The following PACRGL variants were observed in gnomAD, a reference collection of about 807,000 sequenced individuals.
PACRGL encodes the protein PACRG-like protein.
A neutral mutation model predicts 34.5 loss-of-function variants in PACRGL; 38 were observed. The observed-to-expected ratio is 1.10, with a 90% confidence interval of 0.85 to 1.44. PACRGL has a LOEUF of 1.44. Ranked by LOEUF, PACRGL falls within the 40% of genes most tolerant of loss-of-function variation. The pLI is 0.00. For missense variants in PACRGL, 305 were observed against 281.4 expected (o/e 1.08, Z -0.60); for synonymous variants, 128 against 100.1 (o/e 1.28, Z -1.66).
intron 7 of PACRGL, among the ~76,000 whole-genome samples, chr4:20,714,137 C>G (rs1316950972): frequency 6.6e-6 from 1 of 152,076 alleles, no homozygotes. Flanking sequence ...GAGTCGAAAT[C>G]TCTTTGTAGG....
At chr4:20,699,099 C>T (rs571523475), upstream of PACRGL, among the ~76,000 whole-genome samples, 19 of 151,988 alleles carry the variant, frequency 1.3e-4, no homozygotes, top group Non-Finnish European at 2.4e-4. Context: ...TAAAAGGTCA[C>T]GAACTAGGAG....
Position 20,724,745 on chromosome 4 carries a change from T to A in PACRGL, c.610-63T>A, listed in dbSNP as rs142217295. On this transcript the variant is annotated intron_variant, in intron 7 of 8. Coordinates refer to ENST00000503585, the MANE Select transcript of PACRGL (RefSeq NM_001258345.3). Reference sequence around the variant, plus strand: ...AGGGGTGCTCCTGAAGATTTACTTATGCGTATGGTGAGCATTGTTAAGTTT... The same window carrying A: ...AGGGGTGCTCCTGAAGATTTACTTAAGCGTATGGTGAGCATTGTTAAGTTT... The A allele has an allele frequency of 6.4e-4, 574 of 899,628 alleles. 2 individuals carry two copies. The African/African-American group carries it at 8.1e-3, about 13-fold the overall frequency. The allele number at this position is 899,628 out of a possible 1,614,324, so 55.7% of individuals were successfully genotyped here. A position where few individuals can be genotyped will look rare whatever the true frequency, so the allele number is the denominator to read the frequency against.
At chr4:20,759,677 G>A in the PACRGL span, among the ~76,000 whole-genome samples, 2 of 152,166 alleles carry the variant, frequency 1.3e-5, no homozygotes, top group Non-Finnish European at 2.9e-5. Flanking sequence ...TAAAGTGTCA[G>A]AAGGGGGCTG....
chr4:20,752,981 G>C (rs1395803523), downstream of PACRGL: 1 of 152,182 alleles, frequency 6.6e-6, no homozygotes, highest in Non-Finnish European at 1.5e-5. Context: ...CTCCGTCTAT[G>C]ACCTCTTCGT....
At chr4:20,709,380 A>G (rs943039807) in intron 4 of PACRGL, among the ~76,000 whole-genome samples, 5 of 152,180 alleles carry the variant, frequency 3.3e-5, no homozygotes, top group African/African-American at 1.2e-4. Context: ...TCTGTAGATT[A>G]CCTATTGTGT....
intron 8 of PACRGL, among the ~76,000 whole-genome samples, chr4:20,746,735 C>G (rs771542304): frequency 2.6e-5 from 4 of 152,092 alleles, no homozygotes; most frequent in African/African-American, 9.7e-5. Context: ...GTCTCAGAGC[C>G]GCTGGGTGGC....
intron 1 of PACRGL, among the ~76,000 whole-genome samples, chr4:20,703,606 G>GA (rs1214201548): frequency 6.6e-6 from 1 of 151,532 alleles, no homozygotes; most frequent in African/African-American, 2.4e-5. Context: ...TCCATTAGCA[G>GA]AAAAAAAGCA....
At chr4:20,724,720 A>G (rs1168413730) in intron 7 of PACRGL, 88 bp from the exon 8 acceptor site, 7 of 600,650 alleles carry the variant, frequency 1.2e-5, no homozygotes, top group Middle Eastern at 2.7e-4. Context: ...ATCTAAAACA[A>G]GGGGTGCTCC....
chr4:20,741,556 A>G (rs1031772847), intron 8 of PACRGL, among the ~76,000 whole-genome samples: 5 of 152,236 alleles, frequency 3.3e-5, no homozygotes, highest in African/African-American at 1.2e-4. Flanking sequence ...AATCTCTGGG[A>G]CACATTTAAA....
At position 20,730,195 on chromosome 4, in the gene PACRGL, C is replaced by T. The variant is rs1747659644; in HGVS notation, c.*2854C>T. The T allele has an allele frequency of 6.6e-7, 1 of 1,520,692 alleles. No homozygotes were observed. Among genetic ancestry groups the T allele is most frequent in the African/African-American group, 1.4e-5 (1 of 71,780 alleles). 94.2% of individuals were successfully genotyped at this position (1,520,692 alleles called of 1,614,324 possible). A position where few individuals can be genotyped will look rare whatever the true frequency, so the allele number is the denominator to read the frequency against. The stretch of plus-strand genomic sequence containing the variant: ...TGCAAGGAAAAGTACACTATTTTGC[C>T]CCTGAGTATTGCCTCCTCCCATCAA... On this transcript the variant is annotated 3_prime_UTR_variant, in exon 9 of 9. Transcript: ENST00000503585.
At position 20,713,459 on chromosome 4, in the gene PACRGL, A is replaced by C; in HGVS notation, c.529A>C (p.Arg177=). The C allele has an allele frequency of 6.2e-7, 1 of 1,613,698 alleles. No homozygotes were observed. Among genetic ancestry groups the C allele is most frequent in the Non-Finnish European group, 8.5e-7 (1 of 1,179,760 alleles). The change falls in exon 7 of 9, where the codon AGA becomes CGA. Residue 177 remains arginine, a synonymous_variant. Transcript: ENST00000503585. ...LVHSDDEVFE[R]GLNALVQLSV... is the part of the protein sequence containing the mutation. ...CCATTCGGATGATGAAGTGTTTGAAAGAGGATTGAATGCTCTAGTTCAGCT... is the reference window on the plus strand; with the variant it reads ...CCATTCGGATGATGAAGTGTTTGAACGAGGATTGAATGCTCTAGTTCAGCT...
chr4:20,746,056 T>C (rs1752346684), intron 8 of PACRGL, among the ~76,000 whole-genome samples: 1 of 152,208 alleles, frequency 6.6e-6, no homozygotes, highest in Non-Finnish European at 1.5e-5. Flanking sequence ...TAAATCATTC[T>C]ACTATAAAGA....
chr4:20,758,779 G>C, the PACRGL span: 1 of 1,470,540 alleles, frequency 6.8e-7, no homozygotes, highest in Non-Finnish European at 9.5e-7. Context: ...AAGCATAATT[G>C]TAACTCTGAT....
At chr4:20,702,269 T>G (rs1732521170) in intron 1 of PACRGL, 3 of 455,096 alleles carry the variant, frequency 6.6e-6, no homozygotes, top group Non-Finnish European at 1.3e-5. Context: ...TGGCTGCCTG[T>G]GCCCTTGTTA....
At chr4:20,721,346 A>C (rs1014594673) in intron 7 of PACRGL, among the ~76,000 whole-genome samples, 1 of 152,148 alleles carries the variant, frequency 6.6e-6, no homozygotes, top group Non-Finnish European at 1.5e-5. Flanking sequence ...TTCTCCGTCC[A>C]GCTTAGTTCC....
downstream of PACRGL, among the ~76,000 whole-genome samples, chr4:20,754,498 T>G (rs530429141): frequency 6.6e-6 from 1 of 152,342 alleles, no homozygotes; most frequent in African/African-American, 2.4e-5. Flanking sequence ...GATCACATTC[T>G]TCCTTAGGAC....
intron 8 of PACRGL, among the ~76,000 whole-genome samples, chr4:20,750,913 A>C (rs1753495343): frequency 6.6e-6 from 1 of 152,080 alleles, no homozygotes; most frequent in African/African-American, 2.4e-5. Context: ...CATTGATTTA[A>C]TTTTTACTTT....
intron 8 of PACRGL, among the ~76,000 whole-genome samples, chr4:20,740,082 A>T (rs1750693294): frequency 1.3e-5 from 2 of 151,506 alleles, no homozygotes; most frequent in South Asian, 4.6e-4. Context: ...ATATGGGACT[A>T]TGTGAAAAGG....
chr4:20,732,165 C>T lies in PACRGL; in HGVS notation c.*4824C>T. 1 of 818,872 alleles carries T rather than the reference C, an allele frequency of 1.2e-6. No homozygotes were observed. The highest frequency in any genetic ancestry group is 2.5e-5 in the East Asian group (1 of 39,382). 50.7% of individuals were successfully genotyped at this position (818,872 alleles called of 1,614,324 possible). A position where few individuals can be genotyped will look rare whatever the true frequency, so the allele number is the denominator to read the frequency against. On this transcript the variant is annotated 3_prime_UTR_variant, in exon 9 of 9. Coordinates refer to ENST00000503585, the MANE Select transcript of PACRGL (RefSeq NM_001258345.3). ...TGAAGCTGATAAAAAGAAAACCTAG[C>T]TGCTTATTTATTTCACGTGGAGGAA... is the stretch of plus-strand genomic sequence containing the variant.
Sources: allele counts gnomAD v4.1 joint callset (sites outside exome capture counted in the v4.1 genomes callset), GRCh38; gene constraint gnomAD v4.1.1; transcripts MANE v1.5; gene names NCBI Gene and HGNC (gene_info 2026-07-23, HGNC 2026-07-21).